Variants in CNTNAP4 observed in about 807,000 individuals in gnomAD.
The protein encoded by CNTNAP4 is contactin-associated protein-like 4.
CNTNAP4 carries 98 observed loss-of-function variants against 148.4 expected under a neutral mutation model. The observed-to-expected ratio is 0.66, with a 90% CI of 0.56 to 0.78. CNTNAP4 has a LOEUF of 0.78. CNTNAP4 is among the 30% of genes least tolerant of loss of function. The pLI is 0.00. For synonymous variants in CNTNAP4, 730 were observed against 565.1 expected (o/e 1.29, Z -4.14); for missense variants, 1,935 against 1,565.6 (o/e 1.24, Z -3.98).
intron 2 of CNTNAP4, among the ~76,000 whole-genome samples, chr16:76,353,464 C>CT (rs2012128917): frequency 6.6e-6 from 1 of 152,206 alleles, no homozygotes; most frequent in African/African-American, 2.4e-5. Flanking sequence ...GGACTGGTCA[C>CT]TTTCCTTTCT....
chr16:76,424,132 C>T (rs1172517774), intron 3 of CNTNAP4, among the ~76,000 whole-genome samples: 3 of 152,054 alleles, frequency 2.0e-5, no homozygotes, highest in African/African-American at 4.8e-5. Context: ...ATTTAAATAG[C>T]TCATAAATTG....
intron 1 of CNTNAP4, among the ~76,000 whole-genome samples, chr16:76,282,715 G>T (rs1452291753): frequency 6.6e-6 from 1 of 151,804 alleles, no homozygotes; most frequent in African/African-American, 2.4e-5. Context: ...AAATTTCTGG[G>T]TAAATGGTTT....
At chr16:76,390,942 A>G (rs528764421) in intron 3 of CNTNAP4, among the ~76,000 whole-genome samples, 4 of 152,134 alleles carry the variant, frequency 2.6e-5, no homozygotes, top group Non-Finnish European at 4.4e-5. Context: ...TGGGCATGCA[A>G]TGGGAAATAA....
intron 12 of CNTNAP4, among the ~76,000 whole-genome samples, chr16:76,488,116 C>T (rs750671241): frequency 1.4e-4 from 21 of 152,104 alleles, no homozygotes; most frequent in Non-Finnish European, 2.6e-4. Flanking sequence ...CTTAAACTTC[C>T]GATAGCCAAG....
chr16:76,338,196 G>A (rs1280374709), intron 2 of CNTNAP4, among the ~76,000 whole-genome samples: 2 of 152,120 alleles, frequency 1.3e-5, no homozygotes, highest in Admixed American at 6.5e-5. Flanking sequence ...GTAAGGACAG[G>A]CATAAGAAAT....
intron 15 of CNTNAP4, among the ~76,000 whole-genome samples, chr16:76,515,670 G>T (rs2083218206): frequency 6.6e-6 from 1 of 152,136 alleles, no homozygotes; most frequent in Non-Finnish European, 1.5e-5. Context: ...GTGGAAGGAG[G>T]TTCAACCAAA....
At chr16:76,452,369 G>C (rs1345430624) in intron 7 of CNTNAP4, 139 bp from the exon 8 acceptor site, 1 of 714,426 alleles carries the variant, frequency 1.4e-6, no homozygotes, top group Non-Finnish European at 2.3e-6. Flanking sequence ...AAATATGGCA[G>C]TGGTTTGGAC....
At chr16:76,432,913 G>A (rs1347241422) in intron 4 of CNTNAP4, among the ~76,000 whole-genome samples, 2 of 152,036 alleles carry the variant, frequency 1.3e-5, no homozygotes, top group African/African-American at 2.4e-5. Context: ...CTAGCCTTAG[G>A]GTTTCTGCAT....
At chr16:76,331,751 A>T (rs1963548799) in intron 2 of CNTNAP4, among the ~76,000 whole-genome samples, 1 of 152,160 alleles carries the variant, frequency 6.6e-6, no homozygotes, top group African/African-American at 2.4e-5. Context: ...TAGGAAGAAA[A>T]GGGGAATTAC....
chr16:76,458,831 A>C (rs1049554864), intron 8 of CNTNAP4, among the ~76,000 whole-genome samples: 1 of 152,224 alleles, frequency 6.6e-6, no homozygotes, highest in African/African-American at 2.4e-5. Context: ...CTCTGGGTAT[A>C]GACCCAGTAA....
chr16:76,342,542 G>C (rs945725743), intron 2 of CNTNAP4, among the ~76,000 whole-genome samples: 5 of 138,642 alleles, frequency 3.6e-5, no homozygotes, highest in Non-Finnish European at 6.0e-5. Context: ...GTGCAATCTC[G>C]GCTCACTGCA....
At chr16:76,332,697 C>T (rs1410661534) in intron 2 of CNTNAP4, among the ~76,000 whole-genome samples, 1 of 151,566 alleles carries the variant, frequency 6.6e-6, no homozygotes, top group Non-Finnish European at 1.5e-5. Context: ...TTCCATAGGT[C>T]TCTTAGATTC....
chr16:76,454,102 T>G (rs917372441), intron 8 of CNTNAP4, among the ~76,000 whole-genome samples: 4 of 145,556 alleles, frequency 2.7e-5, no homozygotes, highest in Non-Finnish European at 4.5e-5. Flanking sequence ...GAAGTCAGCC[T>G]ATTTCTTTCT....
intron 8 of CNTNAP4, among the ~76,000 whole-genome samples, chr16:76,460,773 A>AAAAAAATATATATATAT: frequency 3.5e-5 from 2 of 57,322 alleles, no homozygotes; most frequent in East Asian, 5.1e-4. Flanking sequence ...AAAAAAAAAA[A>AAAAAAATATATATATAT]ATATATATAT....
At chr16:76,394,049 A>G (rs1052552311) in intron 3 of CNTNAP4, among the ~76,000 whole-genome samples, 9 of 152,240 alleles carry the variant, frequency 5.9e-5, no homozygotes, top group Non-Finnish European at 1.0e-4. Flanking sequence ...AGAAAATCAA[A>G]TAGAACAGGG....
intron 2 of CNTNAP4, among the ~76,000 whole-genome samples, chr16:76,354,080 A>G (rs1597293930): frequency 6.6e-6 from 1 of 152,216 alleles, no homozygotes; most frequent in East Asian, 1.9e-4. Flanking sequence ...CAGCAAAAGA[A>G]TGGGGGAAGA....
chr16:76,302,819 TCACACAC>T (rs5817980), intron 1 of CNTNAP4, among the ~76,000 whole-genome samples: 41,862 of 151,764 alleles, frequency 0.28, 6,367 homozygotes, highest in Non-Finnish European at 0.35. Context: ...ACTGAGGGGC[TCACACAC>T]CACACACCTG....
At chr16:76,382,331 T>A (rs987745133) in intron 3 of CNTNAP4, among the ~76,000 whole-genome samples, 1 of 152,108 alleles carries the variant, frequency 6.6e-6, no homozygotes, top group African/African-American at 2.4e-5. Flanking sequence ...AAGGAATTAT[T>A]TAAAGTGACT....
At chr16:76,281,194 A>G (rs1007465575) in intron 1 of CNTNAP4, among the ~76,000 whole-genome samples, 1 of 151,952 alleles carries the variant, frequency 6.6e-6, no homozygotes, top group Non-Finnish European at 1.5e-5. Context: ...TTAAAACTCA[A>G]CCTTGTAATT....
Sources: allele counts gnomAD v4.1 joint callset (sites outside exome capture counted in the v4.1 genomes callset), GRCh38; gene constraint gnomAD v4.1.1; transcripts MANE v1.5; gene names NCBI Gene and HGNC (gene_info 2026-07-23, HGNC 2026-07-21).